Variants in GBF1 observed in about 807,000 individuals in gnomAD.
GBF1 encodes Golgi-specific brefeldin A-resistance guanine nucleotide exchange factor 1.
GBF1 carries 114 observed loss-of-function variants against 210.5 expected under a neutral mutation model. That is an observed-to-expected ratio of 0.54 (90% CI 0.47 to 0.63). GBF1 has a LOEUF of 0.63. GBF1 is among the 30% of genes least tolerant of loss of function. The probability of loss-of-function intolerance (pLI) is 0.00; values close to 1 mark genes in which losing one functional copy is unlikely to be tolerated. For synonymous variants in GBF1, 850 were observed against 889.2 expected (o/e 0.96, Z 0.78); for missense variants, 1,851 against 2,357.7 (o/e 0.79, Z 4.45).
chr10:102,261,690 A>G (rs2134048407), intron 3 of GBF1, among the ~76,000 whole-genome samples: 1 of 141,052 alleles, frequency 7.1e-6, no homozygotes, highest in East Asian at 2.1e-4. Flanking sequence ...ATCTCGGCTC[A>G]CTGCAACTGC....
At chr10:102,330,211 G>A in intron 3 of GBF1, among the ~76,000 whole-genome samples, 1 of 152,074 alleles carries the variant, frequency 6.6e-6, no homozygotes, top group Non-Finnish European at 1.5e-5. Flanking sequence ...CAGTGGCTTT[G>A]GAGTCACAAT....
At chr10:102,290,914 A>G (rs568027584) in intron 3 of GBF1, among the ~76,000 whole-genome samples, 1 of 152,114 alleles carries the variant, frequency 6.6e-6, no homozygotes, top group Non-Finnish European at 1.5e-5. Flanking sequence ...TAATTTTGCT[A>G]ATTTAATTGA....
chr10:102,255,815 CGTT>C (rs1565017901), intron 1 of GBF1, among the ~76,000 whole-genome samples: 1 of 152,160 alleles, frequency 6.6e-6, no homozygotes, highest in African/African-American at 2.4e-5. Context: ...CAGAAGAGAA[CGTT>C]GTTGTGTTCC....
chr10:102,260,193 T>G (rs1322032940), intron 3 of GBF1, 77 bp downstream of exon 3: 2 of 822,118 alleles, frequency 2.4e-6, no homozygotes, highest in East Asian at 5.0e-5. Context: ...ATAGACAAAC[T>G]TTTTGTATAA....
At chr10:102,345,892 T>C (rs1319604837) in intron 4 of GBF1, among the ~76,000 whole-genome samples, 2 of 151,930 alleles carry the variant, frequency 1.3e-5, no homozygotes, top group Non-Finnish European at 2.9e-5. Flanking sequence ...GGAGTTAACA[T>C]TAACCAATAA....
At chr10:102,239,274 C>T in the GBF1 span, among the ~76,000 whole-genome samples, 2 of 152,226 alleles carry the variant, frequency 1.3e-5, no homozygotes, top group African/African-American at 4.8e-5. Context: ...AAGGTTCTGT[C>T]TTTTGTTTCC....
At chr10:102,340,103 G>A (rs1050796981) in intron 3 of GBF1, among the ~76,000 whole-genome samples, 4 of 151,402 alleles carry the variant, frequency 2.6e-5, no homozygotes, top group Middle Eastern at 3.4e-3. Context: ...ACAGGTGCGC[G>A]CCACCATGCC....
chr10:102,307,265 G>A (rs913488486), intron 3 of GBF1, among the ~76,000 whole-genome samples: 2 of 152,066 alleles, frequency 1.3e-5, no homozygotes, highest in Admixed American at 1.3e-4. Context: ...TAGATGCCAA[G>A]AGCCTCAGGA....
intron 1 of GBF1, among the ~76,000 whole-genome samples, chr10:102,248,525 G>A (rs2071110385): frequency 6.6e-6 from 1 of 152,162 alleles, no homozygotes; most frequent in Non-Finnish European, 1.5e-5. Flanking sequence ...GTGCCTAAAT[G>A]CCAGGCAGGT....
At chr10:102,376,882 G>T in intron 32 of GBF1, 53 bp from the exon 33 acceptor site, 3 of 1,605,926 alleles carry the variant, frequency 1.9e-6, no homozygotes, top group Non-Finnish European at 2.6e-6. Flanking sequence ...AAAAGGCAGG[G>T]TATCTATGCC....
At position 102,376,693 on chromosome 10, in the gene GBF1, T is replaced by C; in HGVS notation, c.4181T>C (p.Val1394Ala). The C allele has an allele frequency of 6.2e-7, 1 of 1,613,888 alleles. No homozygotes were observed. Among genetic ancestry groups the C allele is most frequent in the Non-Finnish European group, 8.5e-7 (1 of 1,179,970 alleles). ...PHDTKSLLKC[V>A]ESLSFIVRDA... ...GACACTAAGTCTCTGCTTAAGTGTG[T>C]GGAATCGCTGTCCTTCATTGTGCGT... The change falls in exon 32 of 40, where the codon GTG (valine) becomes GCG (alanine). Residue 1394 changes from valine (V) to alanine (A), a missense_variant. Val to Ala is a moderately conservative substitution (Grantham distance 64, BLOSUM62 0). This residue lies in a region of GBF1 where 967 missense variants were observed against 1,247.7 expected (regional missense o/e 0.78). Transcript: ENST00000369983.
intron 9 of GBF1, 109 bp from the exon 10 acceptor site, chr10:102,358,397 G>A: frequency 1.2e-6 from 1 of 833,728 alleles, no homozygotes; most frequent in South Asian, 1.6e-5. Context: ...ACCAATATAT[G>A]CAAAGATAAG....
At chr10:102,270,229 G>T (rs2074270532) in intron 3 of GBF1, among the ~76,000 whole-genome samples, 1 of 151,616 alleles carries the variant, frequency 6.6e-6, no homozygotes, top group South Asian at 2.1e-4. Context: ...GAGTGTAGTG[G>T]CGCAATCTTG....
At chr10:102,330,846 A>G (rs2057284346) in intron 3 of GBF1, among the ~76,000 whole-genome samples, 1 of 152,192 alleles carries the variant, frequency 6.6e-6, no homozygotes, top group Non-Finnish European at 1.5e-5. Context: ...TGCCCAAGGT[A>G]GGAAACTCAT....
At chr10:102,340,552 C>T (rs1023879468) in intron 3 of GBF1, among the ~76,000 whole-genome samples, 3 of 152,008 alleles carry the variant, frequency 2.0e-5, no homozygotes, top group East Asian at 1.9e-4. Flanking sequence ...GGATTACAGG[C>T]GTGAGCCACC....
chr10:102,286,561 A>G (rs961315315), intron 3 of GBF1, among the ~76,000 whole-genome samples: 6 of 152,162 alleles, frequency 3.9e-5, no homozygotes, highest in Admixed American at 6.5e-5. Flanking sequence ...TAATTTTTCA[A>G]AGGTTTGTTA....
chr10:102,292,742 C>T (rs1188933736), intron 3 of GBF1, among the ~76,000 whole-genome samples: 3 of 152,158 alleles, frequency 2.0e-5, no homozygotes, highest in Non-Finnish European at 4.4e-5. Flanking sequence ...TTTGGAAATA[C>T]TTTCAGAGGG....
chr10:102,266,740 A>C (rs1437136818), intron 3 of GBF1, among the ~76,000 whole-genome samples: 1 of 152,234 alleles, frequency 6.6e-6, no homozygotes, highest in Admixed American at 6.5e-5. Context: ...AGCTATTCCC[A>C]AAGACATTGG....
intron 3 of GBF1, 98 bp downstream of exon 3, chr10:102,260,214 A>G: frequency 1.5e-6 from 1 of 674,250 alleles, no homozygotes; most frequent in East Asian, 2.7e-5. Flanking sequence ...AGGACTTTAT[A>G]GTAAATAATT....
Sources: allele counts gnomAD v4.1 joint callset (sites outside exome capture counted in the v4.1 genomes callset), GRCh38; gene constraint gnomAD v4.1.1; regional missense constraint gnomAD v4.1.1; transcripts MANE v1.5; gene names NCBI Gene and HGNC (gene_info 2026-07-23, HGNC 2026-07-21).